The following MFSD6 variants were observed in gnomAD, a reference collection of about 807,000 sequenced individuals.
The protein encoded by MFSD6 is major facilitator superfamily domain-containing protein 6.
A neutral mutation model predicts 56.3 loss-of-function variants in MFSD6; 26 were observed. The ratio of observed to expected loss-of-function variants is 0.46; its 90% CI spans 0.34 to 0.64. The LOEUF (loss-of-function observed/expected upper bound fraction) is 0.64. Ranked by LOEUF, MFSD6 falls within the 30% of genes least tolerant of loss-of-function variation. The pLI, the probability that MFSD6 is intolerant of heterozygous loss-of-function variation, is 0.01. For missense variants in MFSD6, 750 were observed against 986.2 expected (o/e 0.76, Z 3.21); for synonymous variants, 331 against 366.9 (o/e 0.90, Z 1.12).
At chr2:190,428,264 C>G (rs971468608) in intron 2 of MFSD6, among the ~76,000 whole-genome samples, 1 of 152,140 alleles carries the variant, frequency 6.6e-6, no homozygotes, top group African/African-American at 2.4e-5. Flanking sequence ...AGGTTGCTCC[C>G]AGTTTTGAGC....
rs912104622 is a variant in MFSD6 at position 190,451,057 on chromosome 2, C to A, written c.1532+13496C>A. On this transcript the variant is annotated intron_variant, in intron 3 of 7. Transcript: ENST00000392328. This position sits in a 1 kb window ranked among gnomAD's most constrained non-coding sequence, Gnocchi z 5.0. ...AAGTTGGTCTAGGCTTGACTCCAGT[C>A]ATCATCCTAAGCCCTGGTAGGATCG... Among the ~76,000 whole-genome samples, 5 of 152,162 alleles carry A rather than the reference C, an allele frequency of 3.3e-5. No homozygotes were observed. The highest frequency in any genetic ancestry group is 1.9e-4 in the East Asian group (1 of 5,192).
At position 190,436,473 on chromosome 2, in the gene MFSD6, C is replaced by T. The variant is rs1686178528; in HGVS notation, c.444C>T (p.Gly148=). ...SLLCWVLFNL[G]IGFVKPATLR... ...TGTGTTGGGTTTTATTCAACCTGGGCATTGGATTTGTCAAACCTGCTACCT... is the reference window on the plus strand; with the variant it reads ...TGTGTTGGGTTTTATTCAACCTGGGTATTGGATTTGTCAAACCTGCTACCT... Residue 148 remains glycine, a synonymous_variant, in exon 3 of 8, where the codon GGC becomes GGT. Coordinates refer to ENST00000392328, the MANE Select transcript of MFSD6 (RefSeq NM_017694.4). The surrounding 1 kb of genome is among the most constrained non-coding windows in gnomAD (Gnocchi z 5.3). The T allele has an allele frequency of 1.9e-6, 3 of 1,614,196 alleles. No individual in the cohort carries two copies. The highest frequency in any genetic ancestry group is 8.5e-7 in the Non-Finnish European group (1 of 1,180,044).
intron 3 of MFSD6, among the ~76,000 whole-genome samples, chr2:190,452,078 GT>G (rs376340374): frequency 1.9e-4 from 27 of 143,066 alleles, no homozygotes; most frequent in Admixed American, 5.6e-4. Context: ...AAAGTTTTTT[GT>G]TTTTTTTTTC....
rs954254908 is a variant in MFSD6, at chr2:190,447,927, C to T, written c.1532+10366C>T. Among the ~76,000 whole-genome samples, 2 of 152,130 alleles carry T rather than the reference C, an allele frequency of 1.3e-5. No homozygotes were observed. Among genetic ancestry groups the T allele is most frequent in the African/African-American group, 4.8e-5 (2 of 41,402 alleles). ...TACCAGGCTGACTTATTAATAACAG[C>T]ATTACTTATAATCAAGCTATTCATA... is the stretch of plus-strand genomic sequence containing the variant. On this transcript the variant is annotated intron_variant, in intron 3 of 7. Coordinates refer to ENST00000392328, the MANE Select transcript of MFSD6 (RefSeq NM_017694.4). This position sits in a 1 kb window ranked among gnomAD's most constrained non-coding sequence, Gnocchi z 4.5.
chr2:190,429,813 A>G (rs951921749), intron 2 of MFSD6, among the ~76,000 whole-genome samples: 1 of 152,176 alleles, frequency 6.6e-6, no homozygotes, highest in African/African-American at 2.4e-5. Flanking sequence ...ATATGATGTC[A>G]GATACATATA....
In MFSD6 at chr2:190,496,562, T is replaced by A. The variant is rs1310301542; in HGVS notation, c.1892-877T>A. ...TTATAGCATCACAATTGCAAAAATG[T>A]GGAACCAGCCCAAATGCCCATCAAT... On this transcript the variant is annotated intron_variant, in intron 6 of 7. Transcript: ENST00000392328. The surrounding 1 kb of genome is among the most constrained non-coding windows in gnomAD (Gnocchi z 4.7). Among the ~76,000 whole-genome samples the A allele has an allele frequency of 6.6e-6, 1 of 152,172 alleles. No individual in the cohort carries two copies. The highest frequency in any genetic ancestry group is 1.5e-5 in the Non-Finnish European group (1 of 68,026).
At position 190,496,657 on chromosome 2, in the gene MFSD6, T is replaced by TAC. The variant is rs1157842802; in HGVS notation, c.1892-781_1892-780insCA. Among the ~76,000 whole-genome samples, 1 of 151,606 alleles carries TAC rather than the reference T, an allele frequency of 6.6e-6. No homozygotes were observed. Among genetic ancestry groups the TAC allele is most frequent in the South Asian group, 2.1e-4 (1 of 4,830 alleles). ...GTGTGTATATATATGTATATGTGTA[T>TAC]ATGTGTGTGTATGTGTGTGTGTATA... On this transcript the variant is annotated intron_variant, in intron 6 of 7. Transcript: ENST00000392328. This position sits in a 1 kb window ranked among gnomAD's most constrained non-coding sequence, Gnocchi z 4.7.
chr2:190,440,383 CA>C (rs774102966), intron 3 of MFSD6, among the ~76,000 whole-genome samples: 39 of 152,136 alleles, frequency 2.6e-4, no homozygotes, highest in Non-Finnish European at 5.1e-4. Flanking sequence ...GTGACTTTCT[CA>C]GGCAAATAGG....
rs1391699792 is a variant in MFSD6 at position 190,412,509 on chromosome 2, C to T, written c.-175-2783C>T. 3 of 985,272 alleles carry T rather than the reference C, an allele frequency of 3.0e-6. No homozygotes were observed. Among genetic ancestry groups the T allele is most frequent in the African/African-American group, 3.5e-5 (2 of 57,236 alleles). The allele number at this position is 985,272 out of a possible 1,614,324, so 61.0% of individuals were successfully genotyped here. On this transcript the variant is annotated intron_variant, in intron 1 of 7. Transcript: ENST00000392328. The surrounding 1 kb of genome is among the most constrained non-coding windows in gnomAD (Gnocchi z 4.1). ...GCCAGTTTGGGTAAAATTTCTTCCT[C>T]AAACTCAACTAACATGGCATTTCCT...
rs1051765388 is a variant in MFSD6 at position 190,491,846 on chromosome 2, A to G, written c.1891+1980A>G. On this transcript the variant is annotated intron_variant, in intron 6 of 7. Coordinates refer to ENST00000392328, the MANE Select transcript of MFSD6 (RefSeq NM_017694.4). This position sits in a 1 kb window ranked among gnomAD's most constrained non-coding sequence, Gnocchi z 4.2. The stretch of plus-strand genomic sequence containing the variant: ...CCCTGAAAAAGAATTCAGAAGGTCC[A>G]TTATTAAGTTAATCAAGGAGGCACT... Among the ~76,000 whole-genome samples, 6 of 152,230 alleles carry G rather than the reference A, an allele frequency of 3.9e-5. No homozygotes were observed. The highest frequency in any genetic ancestry group is 1.4e-4 in the African/African-American group (6 of 41,466).
rs1260228689 is a variant in MFSD6, at chr2:190,465,164, G to C, written c.1533-4594G>C. 1.3e-5 allele frequency among the ~76,000 whole-genome samples: 2 copies of C among 152,128 alleles called. No individual in the cohort carries two copies. The highest frequency in any genetic ancestry group is 1.3e-4 in the Admixed American group (2 of 15,268). ...TTTTTTTCTCCTACTCTTGTAGTTT[G>C]CTCAAATACAGGATAAAAAACGAGT... On this transcript the variant is annotated intron_variant, in intron 3 of 7. Transcript: ENST00000392328. This position sits in a 1 kb window ranked among gnomAD's most constrained non-coding sequence, Gnocchi z 4.6.
At position 190,437,329 on chromosome 2, in the gene MFSD6, A is replaced by G. The variant is rs1686214054; in HGVS notation, c.1300A>G (p.Asn434Asp). 1 of 1,614,246 alleles carries G rather than the reference A, an allele frequency of 6.2e-7. No homozygotes were observed. The highest frequency in any genetic ancestry group is 2.2e-5 in the East Asian group (1 of 44,886). ...CACCACAAGCCACTCGCAGGCCTTC[A>G]ACTTTTGGGACTTAATCAAGCTGCT... ...PTTTSHSQAFNFWDLIKLLCS... is the reference protein window; with the variant it reads ...PTTTSHSQAFDFWDLIKLLCS... Residue 434 changes from asparagine to aspartate, a missense_variant, in exon 3 of 8, where the codon AAC becomes GAC. Transcript: ENST00000392328. This position sits in a 1 kb window ranked among gnomAD's most constrained non-coding sequence, Gnocchi z 5.9.
At chr2:190,476,326 T>C (rs1226883350) in intron 4 of MFSD6, among the ~76,000 whole-genome samples, 2 of 152,026 alleles carry the variant, frequency 1.3e-5, no homozygotes, top group South Asian at 2.1e-4. Context: ...AGGGCTAATA[T>C]CCAGAATCTA....
At chr2:190,486,147 CG>C (rs1445478236) in intron 4 of MFSD6, among the ~76,000 whole-genome samples, 1 of 152,204 alleles carries the variant, frequency 6.6e-6, no homozygotes, top group East Asian at 1.9e-4. Context: ...GTTTAGCCTA[CG>C]GCTAATTATT....
At chr2:190,477,913 C>T (rs1688433363) in intron 4 of MFSD6, among the ~76,000 whole-genome samples, 1 of 151,698 alleles carries the variant, frequency 6.6e-6, no homozygotes, top group African/African-American at 2.4e-5. Flanking sequence ...TAGGAATCTA[C>T]CAGGTGGTCT....
In MFSD6 at chr2:190,454,706, C is replaced by T. The variant is rs1686921820; in HGVS notation, c.1533-15052C>T. Among the ~76,000 whole-genome samples the T allele has an allele frequency of 6.6e-6, 1 of 152,060 alleles. No homozygotes were observed. Among genetic ancestry groups the T allele is most frequent in the East Asian group, 1.9e-4 (1 of 5,192 alleles). Reference sequence around the variant, plus strand: ...AAATAAATGTCTATTGCTTAACCCACCAGTTTATGGCATATTGTCATGGCA... The same window carrying T: ...AAATAAATGTCTATTGCTTAACCCATCAGTTTATGGCATATTGTCATGGCA... On this transcript the variant is annotated intron_variant, in intron 3 of 7. Coordinates refer to ENST00000392328, the MANE Select transcript of MFSD6 (RefSeq NM_017694.4). This position sits in a 1 kb window ranked among gnomAD's most constrained non-coding sequence, Gnocchi z 4.6.
At chr2:190,442,107 G>T (rs1234816498) in intron 3 of MFSD6, among the ~76,000 whole-genome samples, 1 of 152,110 alleles carries the variant, frequency 6.6e-6, no homozygotes, top group African/African-American at 2.4e-5. Context: ...CCTTAAGGGA[G>T]GATTAATTCT....
chr2:190,475,670 G>C (rs530836010), intron 4 of MFSD6, among the ~76,000 whole-genome samples: 1,953 of 152,020 alleles, frequency 0.013, 58 homozygotes, highest in African/African-American at 0.044. Flanking sequence ...CCATCCCCAT[G>C]AAGCTACCAA....
At chr2:190,411,123 C>T (rs1420171617) in intron 1 of MFSD6, 1 of 983,246 alleles carries the variant, frequency 1.0e-6, no homozygotes, top group Admixed American at 6.2e-5. Context: ...TGCATACAGG[C>T]ACACATACGC....
Sources: allele counts gnomAD v4.1 joint callset (sites outside exome capture counted in the v4.1 genomes callset), GRCh38; gene constraint gnomAD v4.1.1; non-coding constraint Gnocchi (gnomAD v3.1); transcripts MANE v1.5; gene names NCBI Gene and HGNC (gene_info 2026-07-23, HGNC 2026-07-21).